FAM76A: variants seen among roughly 807,000 people sequenced by gnomAD.
FAM76A encodes the protein family with sequence similarity 76 member A, also known as protein FAM76A.
FAM76A carries 32 observed loss-of-function variants against 46.2 expected under a neutral mutation model. The observed-to-expected ratio is 0.69, with a 90% CI of 0.52 to 0.93. FAM76A has a LOEUF of 0.93. Ranked by LOEUF, FAM76A falls within the 40% of genes least tolerant of loss-of-function variation. FAM76A has a pLI of 0.00. For synonymous variants in FAM76A, 137 were observed against 127.0 expected (o/e 1.08, Z -0.53); for missense variants, 274 against 361.5 (o/e 0.76, Z 1.96).
chr1:27,759,530 C>T lies in FAM76A; in HGVS notation c.740C>T (p.Thr247Ile), dbSNP rs745658829. The T allele has an allele frequency of 6.2e-7, 1 of 1,606,042 alleles. No individual in the cohort carries two copies. The highest frequency in any genetic ancestry group is 8.5e-7 in the Non-Finnish European group (1 of 1,176,740). The change falls in exon 8 of 9, where the codon ACA becomes ATA. Residue 247 changes from threonine to isoleucine, a missense_variant. Physicochemically the swap from Thr to Ile is moderately conservative, Grantham distance 89 (BLOSUM62 -1). Coordinates refer to ENST00000373954, the MANE Select transcript of FAM76A (RefSeq NM_152660.3). ...ATTCTGCCTTGTTTCCCTCAGATTA[C>T]AGAGTTGAAGGCTGATTTTCAGTAC... ...QMILEKEKKI[T>I]ELKADFQYQE...
chr1:27,755,479 G>A (rs573886730), intron 7 of FAM76A, 149 bp downstream of exon 7: 16 of 1,064,108 alleles, frequency 1.5e-5, no homozygotes, highest in Non-Finnish European at 2.2e-5. Flanking sequence ...TGTCTGCCAA[G>A]ATGACTTTTG....
chr1:27,726,095 C>G lies in FAM76A; in HGVS notation c.15C>G (p.Tyr5Ter). 1 of 1,292,762 alleles carries G rather than the reference C, an allele frequency of 7.7e-7. No individual in the cohort carries two copies. Among genetic ancestry groups the G allele is most frequent in the South Asian group, 2.4e-5 (1 of 42,030 alleles). 80.1% of individuals were successfully genotyped at this position (1,292,762 alleles called of 1,614,324 possible). The part of the protein sequence containing the change: MAAL[Y>*]ACTKCHQRFP... ...CCGGGCCGGACATGGCGGCGCTCTA[C>G]GCCTGCACCAAGTGCCACCAGCGCT... is the stretch of plus-strand genomic sequence containing the variant. The change falls in exon 1 of 9, where the codon TAC becomes TAG. Residue 5 changes from tyrosine to a stop codon, truncating the protein, a stop_gained. Coordinates refer to ENST00000373954, the MANE Select transcript of FAM76A (RefSeq NM_152660.3). LOFTEE classifies it high-confidence loss of function.
rs2088213530 is a variant in FAM76A, at chr1:27,744,748, C to A, written c.449C>A (p.Ser150Tyr). Residue 150 changes from serine to tyrosine, a missense_variant, in exon 5 of 9, where the codon TCT becomes TAT. Coordinates refer to ENST00000373954, the MANE Select transcript of FAM76A (RefSeq NM_152660.3). ...CAGAGGAAACACCTGAGTAGCTCTTCTCGTGCTGGCCACCAGGAGAAGGAG... is the reference window on the plus strand; with the variant it reads ...CAGAGGAAACACCTGAGTAGCTCTTATCGTGCTGGCCACCAGGAGAAGGAG... ...KEQRKHLSSSSRAGHQEKEQY... is the reference protein window; with the variant it reads ...KEQRKHLSSSYRAGHQEKEQY... 2 of 1,614,172 alleles carry A rather than the reference C, an allele frequency of 1.2e-6. No individual in the cohort carries two copies. The highest frequency in any genetic ancestry group is 1.7e-6 in the Non-Finnish European group (2 of 1,180,020).
chr1:27,757,688 C>T (rs529974484), intron 7 of FAM76A, among the ~76,000 whole-genome samples: 10 of 151,852 alleles, frequency 6.6e-5, no homozygotes, highest in Admixed American at 2.0e-4. Flanking sequence ...TTATAAAAAG[C>T]CTTTGAGGCC....
intron 1 of FAM76A, among the ~76,000 whole-genome samples, 186 bp downstream of exon 1, chr1:27,726,347 C>T (rs1423371036): frequency 2.0e-5 from 3 of 152,132 alleles, no homozygotes; most frequent in Non-Finnish European, 4.4e-5. Context: ...CCGGTCCAGG[C>T]TCCCGCGGCC....
rs191041043 is a variant in FAM76A, at chr1:27,728,245, G to T, written c.146+709G>T. On this transcript the variant is annotated intron_variant, in intron 2 of 8. Transcript: ENST00000373954. ...AATATGTACATACACAGAGATTGAAGAATTTATAAGCCCAAAGAAGATACT... is the reference window on the plus strand; with the variant it reads ...AATATGTACATACACAGAGATTGAATAATTTATAAGCCCAAAGAAGATACT... Among the ~76,000 whole-genome samples, 7 of 152,308 alleles carry T rather than the reference G, an allele frequency of 4.6e-5. No homozygotes were observed. The East Asian group carries it at 1.3e-3, about 29-fold the overall frequency.
intron 1 of FAM76A, 71 bp downstream of exon 1, chr1:27,726,232 G>T: frequency 8.3e-7 from 1 of 1,205,614 alleles, no homozygotes; most frequent in South Asian, 3.8e-5. Flanking sequence ...AGATTCTGTG[G>T]GGACGCCCGG....
chr1:27,756,187 C>T (rs1335566894), intron 7 of FAM76A, among the ~76,000 whole-genome samples: 1 of 152,192 alleles, frequency 6.6e-6, no homozygotes, highest in African/African-American at 2.4e-5. Context: ...CCCTGAACAG[C>T]GTTCATGTGG....
intron 4 of FAM76A, chr1:27,740,395 A>C: frequency 7.3e-7 from 1 of 1,369,540 alleles, no homozygotes; most frequent in South Asian, 1.2e-5. Context: ...GGAAGGCAGA[A>C]ATTCATGGAT....
intron 7 of FAM76A, 116 bp from the exon 8 acceptor site, chr1:27,759,410 G>A (rs2088466422): frequency 6.7e-6 from 4 of 593,960 alleles, no homozygotes; most frequent in Admixed American, 3.3e-5. Context: ...ATTTAGATAC[G>A]GATCTGCAGG....
chr1:27,758,520 G>T (rs1332301359), intron 7 of FAM76A, among the ~76,000 whole-genome samples: 1 of 151,654 alleles, frequency 6.6e-6, no homozygotes, highest in African/African-American at 2.4e-5. Flanking sequence ...TTATTTTTTT[G>T]AGACAGGGTC....
chr1:27,753,432 T>C (rs2088362402), intron 6 of FAM76A, among the ~76,000 whole-genome samples: 1 of 152,242 alleles, frequency 6.6e-6, no homozygotes, highest in Non-Finnish European at 1.5e-5. Context: ...GATGTGAGAC[T>C]GCAGCTCTAA....
chr1:27,760,612 A>C lies in FAM76A; in HGVS notation c.*31A>C. ...CTCAAGGAGGCTCCCTAGCAACAGC[A>C]AATGGAGTTGTCCAGGGTTAGGGTT... On this transcript the variant is annotated 3_prime_UTR_variant, in exon 9 of 9. Transcript: ENST00000373954. 6.5e-7 allele frequency: 1 copy of C among 1,544,222 alleles called. No individual in the cohort carries two copies. The highest frequency in any genetic ancestry group is 8.9e-7 in the Non-Finnish European group (1 of 1,126,644).
intron 2 of FAM76A, among the ~76,000 whole-genome samples, chr1:27,731,208 T>A (rs1407256662): frequency 1.3e-5 from 2 of 149,138 alleles, no homozygotes; most frequent in Admixed American, 1.3e-4. Flanking sequence ...ATTTTTTTTT[T>A]TTTTTTTTTT....
At chr1:27,740,287 T>C (rs961665368) in intron 4 of FAM76A, 4 of 780,790 alleles carry the variant, frequency 5.1e-6, no homozygotes, top group East Asian at 5.3e-5. Context: ...GGGATGAAGG[T>C]TGGCCTTACC....
rs976998173 is a variant in FAM76A, at chr1:27,731,200, T to A, written c.147-1403T>A. Among the ~76,000 whole-genome samples the A allele has an allele frequency of 2.3e-3, 242 of 104,808 alleles. 2 individuals carry two copies. Among genetic ancestry groups the A allele is most frequent in the African/African-American group, 0.018 (201 of 10,912 alleles). The allele number at this position is 104,808 out of a possible 152,430, so 68.8% of individuals were successfully genotyped here. A position where few individuals can be genotyped will look rare whatever the true frequency, so the allele number is the denominator to read the frequency against. On this transcript the variant is annotated intron_variant, in intron 2 of 8. Transcript: ENST00000373954. ...GCTTAACTCTTAGAGAAATCAGAAT[T>A]TTTTTTTTTTTTTTTTTTTTTTCGA...
At chr1:27,740,406 G>A in intron 4 of FAM76A, 1 of 1,396,258 alleles carries the variant, frequency 7.2e-7, no homozygotes, top group Non-Finnish European at 1.0e-6. Context: ...ATTCATGGAT[G>A]ATATGGTGCC....
chr1:27,731,187 G>C (rs2087950109), intron 2 of FAM76A, among the ~76,000 whole-genome samples: 1 of 146,044 alleles, frequency 6.8e-6, no homozygotes, highest in Admixed American at 6.9e-5. Context: ...TTAACTCTTA[G>C]AGAAATCAGA....
At chr1:27,740,763 T>C (rs2088137702) in intron 4 of FAM76A, 2 of 363,778 alleles carry the variant, frequency 5.5e-6, no homozygotes, top group African/African-American at 2.1e-5. Flanking sequence ...ATGATTAAAA[T>C]TGATTGTGCA....
Sources: allele counts gnomAD v4.1 joint callset (sites outside exome capture counted in the v4.1 genomes callset), GRCh38; gene constraint gnomAD v4.1.1; transcripts MANE v1.5; gene names NCBI Gene and HGNC (gene_info 2026-07-23, HGNC 2026-07-21).